The following PTPRD variants were observed in gnomAD, a reference collection of about 807,000 sequenced individuals.
PTPRD encodes the protein receptor-type tyrosine-protein phosphatase delta.
Under a neutral mutation model 214.5 loss-of-function variants are expected in PTPRD, and 34 were observed. The ratio of observed to expected loss-of-function variants is 0.16; its 90% CI spans 0.12 to 0.21. PTPRD has a LOEUF of 0.21. Among genes scored for constraint, PTPRD ranks in the 10% least tolerant of loss-of-function variants. The probability of loss-of-function intolerance (pLI) is 1.00; values close to 1 mark genes in which losing one functional copy is unlikely to be tolerated. For synonymous variants in PTPRD, 1,128 were observed against 845.7 expected, an observed-to-expected ratio of 1.33 and a Z score of -5.79; for missense variants, 2,545 against 2,398.7, an observed-to-expected ratio of 1.06 and a Z score of -1.27.
intron 35 of PTPRD, among the ~76,000 whole-genome samples, chr9:8,414,905 G>A (rs2093791104): frequency 7.8e-6 from 1 of 128,576 alleles, no homozygotes; most frequent in Admixed American, 8.2e-5. Flanking sequence ...GAGGGATGGG[G>A]AGGGAGGGGG....
rs181566671 is a variant in PTPRD, at chr9:8,827,475, C to A, written c.-103-93529G>T. Among the ~76,000 whole-genome samples, 230 of 152,078 alleles carry A rather than the reference C, an allele frequency of 1.5e-3. 1 individual carries two copies. The highest frequency in any genetic ancestry group is 5.1e-3 in the African/African-American group (213 of 41,510). ...TACAAAAATTAGCCAGGTATGGTGG[C>A]GCACCCCTGTAATTTCAGCTACTCA... On this transcript the variant is annotated intron_variant, in intron 11 of 45. Transcript: ENST00000381196.
chr9:9,637,586 C>T (rs143197003), intron 7 of PTPRD, among the ~76,000 whole-genome samples: 1 of 152,220 alleles, frequency 6.6e-6, no homozygotes, highest in Admixed American at 6.5e-5. Flanking sequence ...CCTTGGGCAG[C>T]TCCCCGCATA....
intron 8 of PTPRD, among the ~76,000 whole-genome samples, chr9:9,533,478 T>C (rs1242517011): frequency 2.0e-5 from 3 of 152,104 alleles, no homozygotes; most frequent in Non-Finnish European, 4.4e-5. Context: ...GGGTTTTATT[T>C]TTGTTTTCTT....
intron 34 of PTPRD, among the ~76,000 whole-genome samples, chr9:8,440,608 C>T (rs989243094): frequency 6.6e-6 from 1 of 152,182 alleles, no homozygotes; most frequent in Admixed American, 6.5e-5. Flanking sequence ...CCGCTGCGCC[C>T]GACCCATAAA....
At position 10,029,846 on chromosome 9, in the gene PTPRD, G is replaced by A. The variant is rs145959374; in HGVS notation, c.-472+3872C>T. Among the ~76,000 whole-genome samples, 8 of 152,230 alleles carry A rather than the reference G, an allele frequency of 5.3e-5. No individual in the cohort carries two copies. In the East Asian group the frequency reaches 1.5e-3, roughly 29 times the overall value. ...AATATGAGAACATAAGATTTGGGAG[G>A]GGCCAGGGACAGAAAGATGTGGTTT... On this transcript the variant is annotated intron_variant, in intron 4 of 45. Transcript: ENST00000381196.
intron 11 of PTPRD, among the ~76,000 whole-genome samples, chr9:8,815,150 G>A (rs577234663): frequency 6.6e-6 from 1 of 151,698 alleles, no homozygotes; most frequent in Admixed American, 6.6e-5. Flanking sequence ...TTGAGAAAAG[G>A]GACAGTGAGA....
chr9:9,542,405 G>A (rs960661422), intron 8 of PTPRD, among the ~76,000 whole-genome samples: 2 of 151,416 alleles, frequency 1.3e-5, no homozygotes, highest in Non-Finnish European at 3.0e-5. Flanking sequence ...TTCTTATACA[G>A]GACACAAAAG....
chr9:9,578,393 G>T lies in PTPRD; in HGVS notation c.-286-3612C>A, dbSNP rs112244413. Among the ~76,000 whole-genome samples, 386 of 152,070 alleles carry T rather than the reference G, an allele frequency of 2.5e-3. 2 individuals are homozygous for T. The highest frequency in any genetic ancestry group is 8.7e-3 in the African/African-American group (360 of 41,514). ...GTGTTTGGAGAAATTCATGAAATTG[G>T]CATCTTAGATGGTGATTTCTTCCTC... On this transcript the variant is annotated intron_variant, in intron 7 of 45. Coordinates refer to ENST00000381196, the MANE Select transcript of PTPRD (RefSeq NM_002839.4).
At chr9:9,465,311 C>G (rs889237916) in intron 8 of PTPRD, among the ~76,000 whole-genome samples, 2 of 152,096 alleles carry the variant, frequency 1.3e-5, no homozygotes, top group Non-Finnish European at 2.9e-5. Context: ...AAACAAATAA[C>G]AAATACTTTA....
At chr9:9,523,835 G>C (rs1427228909) in intron 8 of PTPRD, among the ~76,000 whole-genome samples, 1 of 152,108 alleles carries the variant, frequency 6.6e-6, no homozygotes, top group East Asian at 1.9e-4. Flanking sequence ...AGAAGGAATT[G>C]GCATTAGCTA....
At chr9:8,932,375 T>C (rs10120746) in intron 11 of PTPRD, among the ~76,000 whole-genome samples, 95,487 of 152,024 alleles carry the variant, frequency 0.63, 31,254 homozygotes, top group Non-Finnish European at 0.73. Flanking sequence ...TTCTCATTGG[T>C]TTCAAACAAT....
At chr9:9,789,133 G>C (rs576969539) in intron 5 of PTPRD, among the ~76,000 whole-genome samples, 334 of 152,222 alleles carry the variant, frequency 2.2e-3, no homozygotes, top group African/African-American at 7.7e-3. Flanking sequence ...ATTTATTGTA[G>C]TCTACTTTGA....
intron 3 of PTPRD, among the ~76,000 whole-genome samples, chr9:10,237,726 A>T (rs769680057): frequency 6.6e-6 from 1 of 151,934 alleles, no homozygotes; most frequent in Non-Finnish European, 1.5e-5. Flanking sequence ...GTTAAATGAA[A>T]AACAAAATCC....
chr9:8,990,722 G>C lies in PTPRD; in HGVS notation c.-104+27975C>G, dbSNP rs113632582. ...AGAAATTGATGTACCTTGTTTGATA[G>C]TAGTCATAAGACCCCCATTCTGGAG... On this transcript the variant is annotated intron_variant, in intron 11 of 45. Transcript: ENST00000381196. 7.7e-3 allele frequency among the ~76,000 whole-genome samples: 1,168 copies of C among 152,206 alleles called. 19 individuals carry two copies. Among genetic ancestry groups the C allele is most frequent in the African/African-American group, 0.026 (1,073 of 41,528 alleles).
chr9:9,310,641 G>A (rs1424991159), intron 9 of PTPRD, among the ~76,000 whole-genome samples: 1 of 152,168 alleles, frequency 6.6e-6, no homozygotes, highest in Non-Finnish European at 1.5e-5. Context: ...TTCTGGGCCA[G>A]GTGTGGTGGC....
At chr9:9,626,112 C>G (rs566129735) in intron 7 of PTPRD, among the ~76,000 whole-genome samples, 1 of 152,270 alleles carries the variant, frequency 6.6e-6, no homozygotes, top group South Asian at 2.1e-4. Context: ...AGTTTATCAA[C>G]GTGTGGTCTA....
intron 14 of PTPRD, among the ~76,000 whole-genome samples, chr9:8,619,830 A>G (rs565516446): frequency 2.0e-5 from 3 of 152,108 alleles, no homozygotes; most frequent in Non-Finnish European, 2.9e-5. Flanking sequence ...ACACTTTTCT[A>G]TGTCACATTA....
chr9:10,392,182 T>C (rs577351114), intron 2 of PTPRD, among the ~76,000 whole-genome samples: 2 of 152,120 alleles, frequency 1.3e-5, no homozygotes, highest in African/African-American at 4.8e-5. Flanking sequence ...CCTAAGAGTT[T>C]AGTGCATTTT....
At chr9:10,008,806 G>A (rs1230501627) in intron 4 of PTPRD, among the ~76,000 whole-genome samples, 1 of 151,890 alleles carries the variant, frequency 6.6e-6, no homozygotes. Flanking sequence ...CAGTCAATCA[G>A]TAATTCTCTA....
Sources: allele counts gnomAD v4.1 joint callset (sites outside exome capture counted in the v4.1 genomes callset), GRCh38; gene constraint gnomAD v4.1.1; transcripts MANE v1.5; gene names NCBI Gene and HGNC (gene_info 2026-07-23, HGNC 2026-07-21).